The following DDI2 variants were observed in gnomAD, a reference collection of about 807,000 sequenced individuals.
The protein encoded by DDI2 is DDI proteasomal shuttling factor 2.
In DDI2, 5 loss-of-function variants were observed where a neutral mutation model predicts 48.1. The observed-to-expected ratio is 0.10, with a 90% CI of 0.05 to 0.22. The LOEUF (loss-of-function observed/expected upper bound fraction) is 0.22. DDI2 is among the 10% of genes least tolerant of loss of function. DDI2 has a pLI of 1.00. For synonymous variants in DDI2, 205 were observed against 183.6 expected, an observed-to-expected ratio of 1.12 and a Z score of -0.94; for missense variants, 285 against 506.2, an observed-to-expected ratio of 0.56 and a Z score of 4.19.
intron 1 of DDI2, 21 bp from the exon 2 acceptor site, chr1:15,626,648 G>T (rs1383412383): frequency 6.2e-7 from 1 of 1,613,996 alleles, no homozygotes; most frequent in Non-Finnish European, 8.5e-7. Flanking sequence ...TTATACTGTT[G>T]TATATCTTTT....
At chr1:15,650,979 C>T (rs1427180716) in intron 7 of DDI2, among the ~76,000 whole-genome samples, 3 of 152,076 alleles carry the variant, frequency 2.0e-5, no homozygotes, top group Non-Finnish European at 4.4e-5. Flanking sequence ...CTCAGCCTCC[C>T]GAGTAGCTGG....
At position 15,630,263 on chromosome 1, in the gene DDI2, T is replaced by C. The variant is rs1639821630; in HGVS notation, c.269-62T>C. ...CATGTATGAGCAAGTGTTCTGCTGT[T>C]TCCTTCAAGTGCTTGTTTTTGTAGA... is the stretch of plus-strand genomic sequence containing the variant. On this transcript the variant is annotated intron_variant, in intron 2 of 9. Transcript: ENST00000480945. The C allele has an allele frequency of 1.7e-5, 25 of 1,511,780 alleles. No individual in the cohort carries two copies. The Middle Eastern group carries it at 5.1e-4, about 31-fold the overall frequency. The allele number at this position is 1,511,780 out of a possible 1,614,324, so 93.6% of individuals were successfully genotyped here.
At chr1:15,619,955 C>T (rs1290728620) in intron 1 of DDI2, among the ~76,000 whole-genome samples, 1 of 151,884 alleles carries the variant, frequency 6.6e-6, no homozygotes, top group African/African-American at 2.4e-5. Flanking sequence ...TACCTGACAC[C>T]CCCTTTAATT....
intron 8 of DDI2, chr1:15,656,398 T>TA: frequency 7.1e-7 from 1 of 1,410,992 alleles, no homozygotes; most frequent in Non-Finnish European, 9.3e-7. Context: ...CAAGATCTAT[T>TA]AAAAATCTGT....
rs186741012 is a variant in DDI2, at chr1:15,649,939, C to G, written c.993+116C>G. 3.0e-4 allele frequency: 282 copies of G among 952,950 alleles called. 1 individual carries two copies. The African/African-American group carries it at 4.1e-3, about 14-fold the overall frequency. The allele number at this position is 952,950 out of a possible 1,614,324, so 59.0% of individuals were successfully genotyped here. On this transcript the variant is annotated intron_variant, in intron 7 of 9. Coordinates refer to ENST00000480945, the MANE Select transcript of DDI2 (RefSeq NM_032341.5). The stretch of plus-strand genomic sequence containing the variant: ...ACTAAGAAATAACGACTTTTCAAAC[C>G]TGGAAATGTCCTTAAATTATGTTGC...
chr1:15,622,148 A>G (rs544279063), intron 1 of DDI2, among the ~76,000 whole-genome samples: 280 of 150,548 alleles, frequency 1.9e-3, no homozygotes, highest in Non-Finnish European at 3.6e-3. Flanking sequence ...ATCACAGCTC[A>G]CTGTATCCTC....
chr1:15,626,823 C>A, intron 2 of DDI2, 25 bp downstream of exon 2: 1 of 1,613,872 alleles, frequency 6.2e-7, no homozygotes, highest in Non-Finnish European at 8.5e-7. Context: ...GGTTGAGCAT[C>A]CCCCAGCAGA....
At chr1:15,640,869 T>G (rs376246221) in intron 5 of DDI2, among the ~76,000 whole-genome samples, 77 of 152,262 alleles carry the variant, frequency 5.1e-4, no homozygotes, top group Middle Eastern at 3.4e-3. Context: ...GCGAGGTCAT[T>G]GCAAAAGGGC....
intron 9 of DDI2, among the ~76,000 whole-genome samples, chr1:15,658,446 A>T (rs1640304663): frequency 6.6e-6 from 1 of 151,054 alleles, no homozygotes; most frequent in Admixed American, 6.6e-5. Context: ...CACTGTGCCC[A>T]GCCCTTTTTG....
At position 15,661,452 on chromosome 1, in the gene DDI2, A is replaced by G; in HGVS notation, c.*1662A>G. Reference sequence around the variant, plus strand: ...TGGTTAAAGACTTAGGTCAGGGCATACAGAATTCAGTAACAGACAGGCCTG... The same window carrying G: ...TGGTTAAAGACTTAGGTCAGGGCATGCAGAATTCAGTAACAGACAGGCCTG... On this transcript the variant is annotated 3_prime_UTR_variant, in exon 10 of 10. Transcript: ENST00000480945. 4 of 1,614,074 alleles carry G rather than the reference A, an allele frequency of 2.5e-6. No individual in the cohort carries two copies. The highest frequency in any genetic ancestry group is 3.4e-6 in the Non-Finnish European group (4 of 1,179,992).
intron 7 of DDI2, 143 bp downstream of exon 7, chr1:15,649,966 A>G (rs1467169698): frequency 8.1e-6 from 6 of 738,970 alleles, no homozygotes; most frequent in Non-Finnish European, 1.0e-5. Flanking sequence ...TTATGTTGCT[A>G]TACAGAGGTT....
At chr1:15,624,709 A>G (rs1240739992) in intron 1 of DDI2, among the ~76,000 whole-genome samples, 1 of 151,734 alleles carries the variant, frequency 6.6e-6, no homozygotes. Context: ...GGCTTAACCC[A>G]TTTGTGCTTA....
Position 15,633,509 on chromosome 1 carries a change from G to A in DDI2, c.576G>A (p.Leu192=). The change falls in exon 4 of 10, where the codon CTG becomes CTA. Residue 192 remains leucine (L), a synonymous_variant. Transcript: ENST00000480945. ...RARREQERIR[L]FSADPFDLEA... ...GGAGAGAGCAAGAAAGGATTCGTCT[G>A]TTTTCTGCTGATCCCTTTGACCTTG... The A allele has an allele frequency of 6.2e-7, 1 of 1,613,778 alleles. No homozygotes were observed. The highest frequency in any genetic ancestry group is 8.5e-7 in the Non-Finnish European group (1 of 1,179,764).
chr1:15,624,033 C>A (rs1299029111), intron 1 of DDI2, among the ~76,000 whole-genome samples: 3 of 152,118 alleles, frequency 2.0e-5, no homozygotes, highest in Non-Finnish European at 2.9e-5. Flanking sequence ...CCAGCCTGGG[C>A]GAGAGCGAGA....
At chr1:15,632,046 C>T (rs1639854288) in intron 3 of DDI2, among the ~76,000 whole-genome samples, 1 of 151,776 alleles carries the variant, frequency 6.6e-6, no homozygotes, top group Non-Finnish European at 1.5e-5. Flanking sequence ...CCTCGTGATC[C>T]ACCCGTCTCG....
chr1:15,656,786 C>T, intron 9 of DDI2, 107 bp downstream of exon 9: 2 of 1,517,200 alleles, frequency 1.3e-6, no homozygotes, highest in Non-Finnish European at 1.8e-6. Context: ...CACCATTTCA[C>T]CTTGTTCAAT....
chr1:15,625,621 T>TC (rs1247314210), intron 1 of DDI2, among the ~76,000 whole-genome samples: 5 of 152,012 alleles, frequency 3.3e-5, no homozygotes, highest in Admixed American at 6.6e-5. Context: ...TTTTCCAGTC[T>TC]CCCCCCTCCC....
At position 15,660,440 on chromosome 1, in the gene DDI2, G is replaced by A. The variant is rs1570994709; in HGVS notation, c.*650G>A. 6.2e-7 allele frequency: 1 copy of A among 1,614,058 alleles called. No homozygotes were observed. Among genetic ancestry groups the A allele is most frequent in the Non-Finnish European group, 8.5e-7 (1 of 1,180,010 alleles). ...GCTTCACATGACCAAGAATATCTTTGTAACATAGGGGACCTTGAGCTTCCT... is the reference window on the plus strand; with the variant it reads ...GCTTCACATGACCAAGAATATCTTTATAACATAGGGGACCTTGAGCTTCCT... On this transcript the variant is annotated 3_prime_UTR_variant, in exon 10 of 10. Transcript: ENST00000480945.
rs1207474159 is a variant in DDI2, at chr1:15,661,914, G to T, written c.*2124G>T. The T allele has an allele frequency of 2.6e-5, 21 of 805,318 alleles. No homozygotes were observed. The highest frequency in any genetic ancestry group is 3.5e-5 in the African/African-American group (2 of 56,914). The allele number at this position is 805,318 out of a possible 1,614,324, so 49.9% of individuals were successfully genotyped here. A position where few individuals can be genotyped will look rare whatever the true frequency, so the allele number is the denominator to read the frequency against. ...TTATGATCTTTTGTCTGATGAATTT[G>T]TCTATCCTACTTGTTAAAATTTAGG... On this transcript the variant is annotated 3_prime_UTR_variant, in exon 10 of 10. Transcript: ENST00000480945.
Sources: allele counts gnomAD v4.1 joint callset (sites outside exome capture counted in the v4.1 genomes callset), GRCh38; gene constraint gnomAD v4.1.1; transcripts MANE v1.5; gene names NCBI Gene and HGNC (gene_info 2026-07-23, HGNC 2026-07-21).